Variants in PPP2R2B observed in about 807,000 individuals in gnomAD.
PPP2R2B encodes the protein protein phosphatase 2 regulatory subunit Bbeta.
In PPP2R2B, 5 loss-of-function variants were observed where a neutral mutation model predicts 46.0. The ratio of observed to expected loss-of-function variants is 0.11; its 90% CI spans 0.06 to 0.23. PPP2R2B has a LOEUF of 0.23. Ranked by LOEUF, PPP2R2B falls within the 10% of genes least tolerant of loss-of-function variation. The pLI is 1.00. For synonymous variants in PPP2R2B, 215 were observed against 206.7 expected, an observed-to-expected ratio of 1.04 and a Z score of -0.34; for missense variants, 367 against 575.0, an observed-to-expected ratio of 0.64 and a Z score of 3.70.
intron 2 of PPP2R2B, among the ~76,000 whole-genome samples, chr5:146,838,938 C>T (rs1392522068): frequency 6.6e-6 from 1 of 152,184 alleles, no homozygotes; most frequent in Non-Finnish European, 1.5e-5. Flanking sequence ...TTCAACATTT[C>T]TGAAAAGTGA....
At chr5:146,911,264 A>C (rs865923990) in intron 1 of PPP2R2B, among the ~76,000 whole-genome samples, 1 of 152,076 alleles carries the variant, frequency 6.6e-6, no homozygotes, top group Non-Finnish European at 1.5e-5. Context: ...TTGTATTTTT[A>C]GTAGAGACGG....
intron 1 of PPP2R2B, among the ~76,000 whole-genome samples, chr5:146,976,861 C>T (rs920158189): frequency 2.0e-5 from 3 of 152,086 alleles, no homozygotes; most frequent in Non-Finnish European, 2.9e-5. Context: ...TCCTCAGCCA[C>T]CCCATCAACA....
intron 4 of PPP2R2B, among the ~76,000 whole-genome samples, chr5:146,697,239 C>T (rs186826127): frequency 1.3e-5 from 2 of 152,126 alleles, no homozygotes; most frequent in African/African-American, 2.4e-5. Flanking sequence ...CAATTAGCAC[C>T]CTTTAACATG....
chr5:146,966,423 C>T (rs546119501), intron 1 of PPP2R2B, among the ~76,000 whole-genome samples: 25 of 152,162 alleles, frequency 1.6e-4, no homozygotes, highest in African/African-American at 6.0e-4. Context: ...TATCTTCGCG[C>T]AGTTGTCAAA....
intron 1 of PPP2R2B, among the ~76,000 whole-genome samples, chr5:146,893,335 A>G (rs1378906370): frequency 6.6e-5 from 10 of 152,246 alleles, no homozygotes; most frequent in South Asian, 4.1e-4. Flanking sequence ...TGATTAAAAT[A>G]AGGTCTACTT....
At chr5:146,901,567 T>C (rs535632366) in intron 1 of PPP2R2B, among the ~76,000 whole-genome samples, 1 of 152,192 alleles carries the variant, frequency 6.6e-6, no homozygotes, top group East Asian at 1.9e-4. Context: ...ACCTATCTGT[T>C]GAATCTCATT....
At chr5:146,857,764 T>G (rs1198354982) in intron 2 of PPP2R2B, among the ~76,000 whole-genome samples, 1 of 152,144 alleles carries the variant, frequency 6.6e-6, no homozygotes, top group Admixed American at 6.5e-5. Context: ...CTCGGCTCAT[T>G]GCAACCTCCG....
chr5:146,886,050 T>C (rs1762310823), intron 1 of PPP2R2B, among the ~76,000 whole-genome samples: 2 of 151,834 alleles, frequency 1.3e-5, no homozygotes, highest in Admixed American at 1.3e-4. Context: ...TAAAATTAGA[T>C]AGGGGCGGCC....
chr5:146,932,117 A>G (rs571249522), intron 1 of PPP2R2B, among the ~76,000 whole-genome samples: 25 of 152,196 alleles, frequency 1.6e-4, no homozygotes, highest in Admixed American at 4.6e-4. Flanking sequence ...TTCAGTAACT[A>G]TTTACAAACA....
chr5:146,904,608 G>A (rs1201861471), intron 1 of PPP2R2B, among the ~76,000 whole-genome samples: 1 of 152,196 alleles, frequency 6.6e-6, no homozygotes, highest in Non-Finnish European at 1.5e-5. Flanking sequence ...CTTGAGTAAT[G>A]GTTGTAACCA....
At chr5:146,671,418 G>T (rs932693764) in intron 5 of PPP2R2B, among the ~76,000 whole-genome samples, 2 of 152,170 alleles carry the variant, frequency 1.3e-5, no homozygotes, top group African/African-American at 4.8e-5. Context: ...ATAGAGCTGG[G>T]ATTCCTGTCT....
intron 8 of PPP2R2B, 55 bp downstream of exon 8, chr5:146,600,236 T>TTAA: frequency 6.4e-7 from 1 of 1,569,640 alleles, no homozygotes. Flanking sequence ...GGGGCTGACT[T>TTAA]AAAAGCTCAT....
chr5:146,615,944 C>CA (rs921413000), intron 7 of PPP2R2B, among the ~76,000 whole-genome samples: 3 of 152,026 alleles, frequency 2.0e-5, no homozygotes, highest in Non-Finnish European at 4.4e-5. Flanking sequence ...CTATCTTAAG[C>CA]AAAAAACAAA....
In PPP2R2B at chr5:146,640,042, G is replaced by A. The variant is rs17104941; in HGVS notation, c.626-1627C>T. ...AGTCCCCTCCTTAGAGTTTAGATGC[G>A]GTACAAGCAAATGCACTGATATTTT... On this transcript the variant is annotated intron_variant, in intron 6 of 9. Coordinates refer to ENST00000394411, the MANE Select transcript of PPP2R2B (RefSeq NM_181675.4). 7.3e-3 allele frequency among the ~76,000 whole-genome samples: 1,114 copies of A among 152,222 alleles called. 17 individuals are homozygous for A. Among genetic ancestry groups the A allele is most frequent in the African/African-American group, 0.026 (1,061 of 41,532 alleles).
chr5:146,923,657 G>C (rs1168424724), intron 1 of PPP2R2B, among the ~76,000 whole-genome samples: 2 of 152,184 alleles, frequency 1.3e-5, no homozygotes, highest in Non-Finnish European at 2.9e-5. Context: ...TGAAGACAGT[G>C]TGGCAATTCC....
At chr5:146,845,299 C>T (rs1582252809) in intron 2 of PPP2R2B, among the ~76,000 whole-genome samples, 1 of 52,154 alleles carries the variant, frequency 1.9e-5, no homozygotes. Context: ...CTTTTCTTTT[C>T]CTTTTCTTTT....
intron 7 of PPP2R2B, among the ~76,000 whole-genome samples, chr5:146,602,275 C>A (rs985014271): frequency 2.0e-5 from 3 of 152,120 alleles, no homozygotes; most frequent in Non-Finnish European, 2.9e-5. Context: ...ACATAAGCTT[C>A]CTGAGAACAG....
chr5:146,916,259 A>G (rs1763379679), intron 1 of PPP2R2B, among the ~76,000 whole-genome samples: 2 of 150,918 alleles, frequency 1.3e-5, no homozygotes, highest in South Asian at 2.1e-4. Context: ...CAGAAGAGTG[A>G]AAAAAAAGAA....
intron 2 of PPP2R2B, among the ~76,000 whole-genome samples, chr5:146,821,261 C>T (rs781585163): frequency 6.6e-6 from 1 of 152,152 alleles, no homozygotes; most frequent in Non-Finnish European, 1.5e-5. Flanking sequence ...ACCTGCCATC[C>T]CTTAATACCA....
Sources: gnomAD v4.1 joint callset for allele counts (sites outside exome capture counted in the v4.1 genomes callset) on GRCh38, gnomAD v4.1.1 for gene constraint, MANE v1.5 for transcripts, NCBI Gene and HGNC (gene_info 2026-07-23, HGNC 2026-07-21) for gene names.